Variants in SYNE1 observed in about 807,000 individuals in gnomAD.
SYNE1 encodes spectrin repeat containing nuclear envelope protein 1.
In SYNE1, 616 loss-of-function variants were observed where a neutral mutation model predicts 1,111.0. That is an observed-to-expected ratio of 0.55 (90% CI 0.52 to 0.59). SYNE1 has a LOEUF of 0.59. Ranked by LOEUF, SYNE1 falls within the 20% of genes least tolerant of loss-of-function variation. The pLI, the probability that SYNE1 is intolerant of heterozygous loss-of-function variation, is 0.00. For synonymous variants in SYNE1, 3,855 were observed against 3,825.8 expected (o/e 1.01, Z -0.28); for missense variants, 10,006 against 10,417.0 (o/e 0.96, Z 1.72).
chr6:152,373,285 C>CTT (rs11319149), intron 58 of SYNE1, 66 bp from the exon 59 acceptor site: 623 of 1,153,130 alleles, frequency 5.4e-4, no homozygotes, highest in Non-Finnish European at 6.1e-4. Context: ...TTTTTCTTTT[C>CTT]TTTTTTTTTT....
Position 152,318,957 on chromosome 6 carries a change from C to A in SYNE1, c.16295G>T (p.Arg5432Leu). The change falls in exon 85 of 146, where the codon CGG (arginine) becomes CTG (leucine). Residue 5432 changes from arginine (R) to leucine (L), a missense_variant. Arg to Leu is a moderately radical substitution (Grantham distance 102). This residue lies in a region of SYNE1 where 4,955 missense variants were observed against 5,017.2 expected (regional missense o/e 0.99). Coordinates refer to ENST00000367255, the MANE Select transcript of SYNE1 (RefSeq NM_182961.4). Reference protein sequence around the residue: ...QSKATSQELSRQIQKLAKDLT... With the variant: ...QSKATSQELSLQIQKLAKDLT... Reference sequence around the variant, plus strand: ...GTCTTTAGCTAACTTCTGAATTTGCCGGCTGAGTTCCTGGCTCGTGGCCTT... The same window carrying A: ...GTCTTTAGCTAACTTCTGAATTTGCAGGCTGAGTTCCTGGCTCGTGGCCTT... 5 of 1,614,150 alleles carry A rather than the reference C, an allele frequency of 3.1e-6. No homozygotes were observed. The highest frequency in any genetic ancestry group is 4.2e-6 in the Non-Finnish European group (5 of 1,180,030).
chr6:152,463,314 A>C (rs751584656), intron 19 of SYNE1, 39 bp downstream of exon 19: 2 of 1,613,104 alleles, frequency 1.2e-6, no homozygotes, highest in African/African-American at 2.7e-5. Context: ...CATTTGTAAC[A>C]CATACACGTT....
chr6:152,350,725 C>G lies in SYNE1; in HGVS notation c.11626G>C (p.Val3876Leu). 1 of 1,614,058 alleles carries G rather than the reference C, an allele frequency of 6.2e-7. No homozygotes were observed. The highest frequency in any genetic ancestry group is 8.5e-7 in the Non-Finnish European group (1 of 1,180,014). Residue 3876 changes from valine to leucine, a missense_variant, in exon 71 of 146, where the codon GTG (valine) becomes CTG (leucine). By Grantham distance (32) the Val-to-Leu change is conservative (BLOSUM62 1). Coordinates refer to ENST00000367255, the MANE Select transcript of SYNE1 (RefSeq NM_182961.4). ...VLSHEPSVKS[V>L]REKGEALLEL... is the part of the protein sequence containing the mutation. Reference sequence around the variant, plus strand: ...AAAAGAGCTTCACCCTTCTCTCTCACTGACTTTACTGATGGTTCATGGGAC... The same window carrying G: ...AAAAGAGCTTCACCCTTCTCTCTCAGTGACTTTACTGATGGTTCATGGGAC...
At chr6:152,364,700 G>A (rs545182052) in intron 63 of SYNE1, 147 bp downstream of exon 63, 1 of 761,342 alleles carries the variant, frequency 1.3e-6, no homozygotes, top group African/African-American at 1.9e-5. Context: ...AAGGAAGGAA[G>A]GAAGGAAGGA....
rs377409201 is a variant in SYNE1 at position 152,164,260 on chromosome 6, C to T, written c.23693G>A (p.Arg7898Lys). Residue 7898 changes from arginine to lysine, a missense_variant, in exon 131 of 146, where the codon AGG becomes AAG. Around this residue, in one of 7 missense-constraint regions of SYNE1, gnomAD observed 2,182 missense variants for 2,287.8 expected, o/e 0.95. Coordinates refer to ENST00000367255, the MANE Select transcript of SYNE1 (RefSeq NM_182961.4). ...QQLDKNMSSL[R>K]TWLAHIESEL... ...TGACTCGATGTGAGCGAGCCAGGTC[C>T]TCAGGCTGCTCATGTTCTTATCAAG... The T allele has an allele frequency of 1.2e-6, 2 of 1,614,094 alleles. No homozygotes were observed. Among genetic ancestry groups the T allele is most frequent in the African/African-American group, 2.7e-5 (2 of 74,932 alleles).
At chr6:152,192,328 A>G (rs1236982122) in intron 127 of SYNE1, among the ~76,000 whole-genome samples, 1 of 94,824 alleles carries the variant, frequency 1.1e-5, no homozygotes, top group Non-Finnish European at 2.3e-5. Context: ...GATCTCTCCA[A>G]TGCTAAAAGT....
chr6:152,348,346 G>A (rs917566789), intron 72 of SYNE1, among the ~76,000 whole-genome samples: 5 of 152,132 alleles, frequency 3.3e-5, no homozygotes, highest in Non-Finnish European at 7.3e-5. Context: ...ATTCTTTAGT[G>A]AGCATTCTTA....
At chr6:152,244,437 G>A (rs561229089) in intron 106 of SYNE1, 100 bp downstream of exon 106, 605 of 1,583,196 alleles carry the variant, frequency 3.8e-4, no homozygotes, top group Non-Finnish European at 5.0e-4. Flanking sequence ...CCTAAGTGGC[G>A]TGAATTTTAT....
chr6:152,501,270 C>T (rs901465933), intron 10 of SYNE1, among the ~76,000 whole-genome samples: 1 of 151,554 alleles, frequency 6.6e-6, no homozygotes, highest in Non-Finnish European at 1.5e-5. Context: ...TGGTCATGTC[C>T]GTTGTTTAAA....
At chr6:152,489,457 CTTT>C (rs3076635) in intron 11 of SYNE1, among the ~76,000 whole-genome samples, 2 of 112,312 alleles carry the variant, frequency 1.8e-5, no homozygotes, top group Non-Finnish European at 1.8e-5. Flanking sequence ...CTTGGTGTGT[CTTT>C]TTTTTTTTTT....
rs1311328975 is a variant in SYNE1, at chr6:152,323,883, C to A, written c.15658-146G>T. 19 of 900,634 alleles carry A rather than the reference C, an allele frequency of 2.1e-5. No individual in the cohort carries two copies. The East Asian group carries it at 5.0e-4, about 24-fold the overall frequency. 55.8% of individuals were successfully genotyped at this position (900,634 alleles called of 1,614,324 possible). A position where few individuals can be genotyped will look rare whatever the true frequency, so the allele number is the denominator to read the frequency against. On this transcript the variant is annotated intron_variant, in intron 81 of 145. Transcript: ENST00000367255. ...ACATGTTAGGAAACTGGAACCTGAG[C>A]AACCTTCTTAACATGAAAGGAGATA...
intron 46 of SYNE1, among the ~76,000 whole-genome samples, chr6:152,403,004 A>G (rs925405091): frequency 6.6e-6 from 1 of 152,136 alleles, no homozygotes; most frequent in African/African-American, 2.4e-5. Flanking sequence ...ATCATCCCTA[A>G]TGGTACTGCT....
intron 3 of SYNE1, among the ~76,000 whole-genome samples, chr6:152,557,860 T>C (rs1426765155): frequency 6.7e-6 from 1 of 148,554 alleles, no homozygotes; most frequent in Non-Finnish European, 1.5e-5. Context: ...ATTAACAAAA[T>C]GAAAATATAT....
intron 8 of SYNE1, among the ~76,000 whole-genome samples, chr6:152,506,666 C>T (rs2099059875): frequency 6.6e-6 from 1 of 151,996 alleles, no homozygotes; most frequent in Non-Finnish European, 1.5e-5. Flanking sequence ...CTCAGCCTCC[C>T]AAGTAGCTGG....
intron 127 of SYNE1, among the ~76,000 whole-genome samples, chr6:152,191,605 G>A (rs1468522571): frequency 6.6e-6 from 1 of 151,816 alleles, no homozygotes; most frequent in African/African-American, 2.4e-5. Context: ...AAATTTCTGT[G>A]GTATTGGTTG....
At chr6:152,524,611 A>G (rs1356428448) in intron 5 of SYNE1, among the ~76,000 whole-genome samples, 1 of 152,080 alleles carries the variant, frequency 6.6e-6, no homozygotes, top group African/African-American at 2.4e-5. Flanking sequence ...ATATATGTCT[A>G]GCTTGATTCC....
At chr6:152,609,198 G>A (rs911515597) in intron 3 of SYNE1, among the ~76,000 whole-genome samples, 1 of 152,060 alleles carries the variant, frequency 6.6e-6, no homozygotes, top group African/African-American at 2.4e-5. Flanking sequence ...CAAGGGGTTG[G>A]GGGATTTCCC....
intron 41 of SYNE1, 84 bp from the exon 42 acceptor site, chr6:152,413,615 A>G: frequency 7.4e-7 from 1 of 1,359,678 alleles, no homozygotes; most frequent in Non-Finnish European, 1.0e-6. Flanking sequence ...TGATGAGTCC[A>G]TAAAGCACTC....
chr6:152,628,544 A>G lies in SYNE1; in HGVS notation c.-213T>C, dbSNP rs2099690720. 1.7e-6 allele frequency: 1 copy of G among 578,656 alleles called. No homozygotes were observed. Among genetic ancestry groups the G allele is most frequent in the African/African-American group, 1.9e-5 (1 of 53,542 alleles). 35.8% of individuals were successfully genotyped at this position (578,656 alleles called of 1,614,324 possible). A position where few individuals can be genotyped will look rare whatever the true frequency, so the allele number is the denominator to read the frequency against. ...CGTTTTAAGACTGTCCTCTTACATG[A>G]ACTCAAGAACCTGAAAAACAAAAAA... On this transcript the variant is annotated 5_prime_UTR_variant, in exon 3 of 146. Coordinates refer to ENST00000367255, the MANE Select transcript of SYNE1 (RefSeq NM_182961.4).
Sources: gnomAD v4.1 joint callset for allele counts (sites outside exome capture counted in the v4.1 genomes callset) on GRCh38, gnomAD v4.1.1 for gene constraint, gnomAD v4.1.1 regional missense constraint, MANE v1.5 for transcripts, NCBI Gene and HGNC (gene_info 2026-07-23, HGNC 2026-07-21) for gene names.